The following TMCC3 variants were observed in gnomAD, a reference collection of about 807,000 sequenced individuals.
TMCC3 encodes the protein transmembrane and coiled-coil domain family 3.
TMCC3 carries 28 observed loss-of-function variants against 40.2 expected under a neutral mutation model. The ratio of observed to expected loss-of-function variants is 0.70; its 90% CI spans 0.52 to 0.95. TMCC3 has a LOEUF of 0.95. Ranked by LOEUF, TMCC3 falls within the 40% of genes least tolerant of loss-of-function variation. The probability of loss-of-function intolerance (pLI) is 0.00; values close to 1 mark genes in which losing one functional copy is unlikely to be tolerated. For missense variants in TMCC3, 554 were observed against 615.2 expected (o/e 0.90, Z 1.05); for synonymous variants, 255 against 248.5 (o/e 1.03, Z -0.25).
intron 1 of TMCC3, among the ~76,000 whole-genome samples, chr12:94,637,716 C>A (rs1381631415): frequency 6.6e-6 from 1 of 152,162 alleles, no homozygotes; most frequent in Non-Finnish European, 1.5e-5. Context: ...ATATACCTGT[C>A]CTTTAATAAG....
chr12:94,593,583 T>C (rs147500887), intron 1 of TMCC3, among the ~76,000 whole-genome samples: 2 of 151,764 alleles, frequency 1.3e-5, no homozygotes, highest in African/African-American at 2.4e-5. Context: ...CAGTCCTTTC[T>C]CCAGACACTG....
intron 1 of TMCC3, among the ~76,000 whole-genome samples, chr12:94,638,856 C>G (rs971881671): frequency 6.6e-6 from 1 of 152,212 alleles, no homozygotes; most frequent in Non-Finnish European, 1.5e-5. Context: ...TGCTGAAGCA[C>G]AGCTTTCACT....
rs1011714987 is a variant in TMCC3 at position 94,646,532 on chromosome 12, G to A, written c.78+3821C>T. ...CAGCTCTCTGCAATCTCCGCCTCCC[G>A]GGTTCAAGAGATTCTCCTGCCTCAG... On this transcript the variant is annotated intron_variant, in intron 1 of 3. Transcript: ENST00000261226. Among the ~76,000 whole-genome samples, 4 of 138,708 alleles carry A rather than the reference G, an allele frequency of 2.9e-5. No individual in the cohort carries two copies. In the South Asian group the frequency reaches 9.2e-4, roughly 32 times the overall value. The allele number at this position is 138,708 out of a possible 152,430, so 91.0% of individuals were successfully genotyped here.
intron 1 of TMCC3, among the ~76,000 whole-genome samples, chr12:94,635,397 A>G (rs17308703): frequency 0.023 from 3,572 of 152,266 alleles, 75 homozygotes; most frequent in Admixed American, 0.048. Context: ...TGTGTCACAA[A>G]TTACTTAAGG....
chr12:94,598,741 T>C, intron 1 of TMCC3: 1 of 985,434 alleles, frequency 1.0e-6, no homozygotes, highest in Non-Finnish European at 1.2e-6. Flanking sequence ...GCTCCAAAGA[T>C]TCGTGTTTCA....
intron 3 of TMCC3, among the ~76,000 whole-genome samples, chr12:94,574,190 C>G (rs974236368): frequency 3.9e-5 from 6 of 152,028 alleles, no homozygotes; most frequent in African/African-American, 1.2e-4. Flanking sequence ...CAAGACCAGC[C>G]TGGCCAATAT....
chr12:94,613,137 T>C (rs1028606467), intron 1 of TMCC3, among the ~76,000 whole-genome samples: 1 of 151,724 alleles, frequency 6.6e-6, no homozygotes, highest in Non-Finnish European at 1.5e-5. Flanking sequence ...TTGTGTTTAT[T>C]TGTACAGTGG....
At chr12:94,587,679 A>T (rs1378872047) in intron 1 of TMCC3, among the ~76,000 whole-genome samples, 1 of 152,248 alleles carries the variant, frequency 6.6e-6, no homozygotes, top group Non-Finnish European at 1.5e-5. Context: ...TTATCATTCC[A>T]ATTTCATTCT....
chr12:94,581,430 C>T (rs1030862855), intron 2 of TMCC3, among the ~76,000 whole-genome samples, 192 bp downstream of exon 2: 9 of 152,112 alleles, frequency 5.9e-5, no homozygotes, highest in Admixed American at 5.9e-4. Context: ...AAAATGTAAC[C>T]ATAAGGCATT....
intron 1 of TMCC3, among the ~76,000 whole-genome samples, chr12:94,589,844 T>C (rs997462215): frequency 8.5e-5 from 13 of 152,190 alleles, no homozygotes; most frequent in Non-Finnish European, 1.8e-4. Flanking sequence ...GAATAATAAA[T>C]AGCTTAGGTG....
In TMCC3 at chr12:94,572,563, G is replaced by A. The variant is rs574055311; in HGVS notation, c.1132-826C>T. ...TGACCTCAAGTGATCTGCCTGCCAT[G>A]GCCTCCCACAGTGGTGGAATTACAG... On this transcript the variant is annotated intron_variant, in intron 3 of 3. Transcript: ENST00000261226. Among the ~76,000 whole-genome samples the A allele has an allele frequency of 5.9e-5, 9 of 152,036 alleles. No homozygotes were observed. The East Asian group carries it at 1.2e-3, about 20-fold the overall frequency.
chr12:94,621,925 A>G (rs918044380), intron 1 of TMCC3, among the ~76,000 whole-genome samples: 6 of 152,224 alleles, frequency 3.9e-5, no homozygotes, highest in Non-Finnish European at 7.3e-5. Context: ...AAAGTGTCCA[A>G]CGTCAACCTG....
intron 1 of TMCC3, chr12:94,644,325 C>A: frequency 2.1e-6 from 2 of 948,428 alleles, no homozygotes; most frequent in Non-Finnish European, 2.5e-6. Context: ...AACCACAGGG[C>A]TGAAAGCTGC....
At chr12:94,610,272 C>T (rs952927177) in intron 1 of TMCC3, among the ~76,000 whole-genome samples, 10 of 152,104 alleles carry the variant, frequency 6.6e-5, no homozygotes, top group African/African-American at 2.2e-4. Flanking sequence ...CCTTCTTTAG[C>T]CACCAAGTGT....
intron 1 of TMCC3, among the ~76,000 whole-genome samples, chr12:94,639,450 G>A (rs947006230): frequency 3.9e-5 from 6 of 152,056 alleles, no homozygotes; most frequent in African/African-American, 1.5e-4. Flanking sequence ...TGGCATGGTG[G>A]TGGGCACCTG....
chr12:94,589,691 C>T (rs937518983), intron 1 of TMCC3, among the ~76,000 whole-genome samples: 10 of 152,222 alleles, frequency 6.6e-5, no homozygotes, highest in Non-Finnish European at 1.0e-4. Flanking sequence ...GTCTCCAGTG[C>T]CTACCTGCCT....
chr12:94,646,262 G>C (rs2069017486), intron 1 of TMCC3, among the ~76,000 whole-genome samples: 3 of 152,084 alleles, frequency 2.0e-5, no homozygotes, highest in African/African-American at 7.2e-5. Flanking sequence ...TTAGAGAGAT[G>C]GGGGAGGGCA....
chr12:94,595,572 G>C (rs527582077), intron 1 of TMCC3, among the ~76,000 whole-genome samples: 27 of 152,240 alleles, frequency 1.8e-4, no homozygotes, highest in Admixed American at 8.5e-4. Context: ...TTTTTTGGTA[G>C]TATAACAAAT....
intron 1 of TMCC3, among the ~76,000 whole-genome samples, chr12:94,634,326 G>A (rs1233207977): frequency 6.6e-6 from 1 of 151,672 alleles, no homozygotes; most frequent in Non-Finnish European, 1.5e-5. Context: ...AAGAAATGAG[G>A]GTTGGGAAGG....
Sources: gnomAD v4.1 joint callset for allele counts (sites outside exome capture counted in the v4.1 genomes callset) on GRCh38, gnomAD v4.1.1 for gene constraint, MANE v1.5 for transcripts, NCBI Gene and HGNC (gene_info 2026-07-23, HGNC 2026-07-21) for gene names.